Variants in PTPRK observed in about 807,000 individuals in gnomAD.
PTPRK encodes the protein receptor-type tyrosine-protein phosphatase kappa.
PTPRK carries 75 observed loss-of-function variants against 178.0 expected under a neutral mutation model. That is an observed-to-expected ratio of 0.42 (90% CI 0.35 to 0.51). PTPRK has a LOEUF of 0.51. PTPRK is among the 20% of genes least tolerant of loss of function. The pLI is 0.02. For missense variants in PTPRK, 1,441 were observed against 1,797.8 expected (o/e 0.80, Z 3.59); for synonymous variants, 637 against 620.6 (o/e 1.03, Z -0.39).
chr6:128,482,797 T>C (rs778886824), intron 1 of PTPRK, among the ~76,000 whole-genome samples: 3 of 152,190 alleles, frequency 2.0e-5, no homozygotes, highest in Non-Finnish European at 2.9e-5. Flanking sequence ...TTGAATGGCT[T>C]ATTCTGGGAA....
At chr6:128,338,624 A>G (rs911036676) in intron 2 of PTPRK, among the ~76,000 whole-genome samples, 1 of 151,808 alleles carries the variant, frequency 6.6e-6, no homozygotes, top group East Asian at 1.9e-4. Context: ...TTCTCCCAAC[A>G]CTCAGGCTAG....
At chr6:128,229,495 T>C (rs1811946270) in intron 5 of PTPRK, among the ~76,000 whole-genome samples, 1 of 152,184 alleles carries the variant, frequency 6.6e-6, no homozygotes, top group African/African-American at 2.4e-5. Context: ...TGAGTATCTC[T>C]CAGAACCTGC....
intron 1 of PTPRK, among the ~76,000 whole-genome samples, chr6:128,417,429 C>T (rs913589833): frequency 1.3e-5 from 2 of 152,154 alleles, no homozygotes; most frequent in Non-Finnish European, 1.5e-5. Context: ...GAAGTTTATA[C>T]ACCATTTGTA....
intron 3 of PTPRK, among the ~76,000 whole-genome samples, chr6:128,283,800 T>TC (rs1822053871): frequency 1.3e-5 from 2 of 152,324 alleles, no homozygotes; most frequent in South Asian, 4.1e-4. Flanking sequence ...TAGTATGTTA[T>TC]CACCAGTTCC....
At chr6:128,025,201 C>T (rs1335453901) in intron 13 of PTPRK, among the ~76,000 whole-genome samples, 4 of 152,214 alleles carry the variant, frequency 2.6e-5, no homozygotes, top group African/African-American at 9.6e-5. Context: ...TTGCATAAGA[C>T]ACTCCACTCT....
At chr6:128,112,365 C>G (rs1181785991) in intron 7 of PTPRK, among the ~76,000 whole-genome samples, 1 of 152,062 alleles carries the variant, frequency 6.6e-6, no homozygotes. Flanking sequence ...AATATTATAA[C>G]TTTCTTGGAT....
intron 1 of PTPRK, among the ~76,000 whole-genome samples, chr6:128,452,184 GCTTAT>G (rs1317781006): frequency 1.3e-5 from 2 of 152,030 alleles, no homozygotes; most frequent in African/African-American, 4.8e-5. Context: ...TTTCATCTCT[GCTTAT>G]CTTATTTCAT....
intron 3 of PTPRK, among the ~76,000 whole-genome samples, chr6:128,311,557 T>A (rs1390611245): frequency 1.3e-5 from 2 of 152,162 alleles, no homozygotes; most frequent in Non-Finnish European, 2.9e-5. Flanking sequence ...CACAGTATGA[T>A]CGTTCTCATT....
At chr6:128,191,365 G>A (rs2114721265) in intron 6 of PTPRK, among the ~76,000 whole-genome samples, 1 of 152,162 alleles carries the variant, frequency 6.6e-6, no homozygotes, top group South Asian at 2.1e-4. Context: ...ACTCATAGAA[G>A]CAGAGAGTAG....
intron 3 of PTPRK, among the ~76,000 whole-genome samples, chr6:128,260,823 T>C (rs563588432): frequency 1.4e-4 from 22 of 152,274 alleles, no homozygotes; most frequent in Admixed American, 6.5e-4. Context: ...TGCAAAAATA[T>C]AGGAAGTTGT....
chr6:128,064,627 A>T (rs766746093), intron 13 of PTPRK, 131 bp downstream of exon 13: 207 of 1,157,004 alleles, frequency 1.8e-4, no homozygotes, highest in Middle Eastern at 1.1e-3. Context: ...GTTGTTAAAG[A>T]CACCCACATG....
At chr6:127,977,094 A>C in intron 25 of PTPRK, 40 bp from the exon 26 acceptor site, 3 of 1,595,456 alleles carry the variant, frequency 1.9e-6, no homozygotes, top group Non-Finnish European at 1.7e-6. Context: ...ATAAAAACTT[A>C]AAATGTATGA....
chr6:128,006,185 T>G, intron 14 of PTPRK: 1 of 685,484 alleles, frequency 1.5e-6, no homozygotes, highest in Non-Finnish European at 2.2e-6. Context: ...ATTCATGTTT[T>G]TTTTGCTTTG....
At chr6:128,184,946 A>G (rs760069588) in intron 6 of PTPRK, among the ~76,000 whole-genome samples, 1 of 152,104 alleles carries the variant, frequency 6.6e-6, no homozygotes, top group Non-Finnish European at 1.5e-5. Flanking sequence ...TCCTGTATTA[A>G]AAACACATTT....
chr6:128,417,858 T>C (rs1333280891), intron 1 of PTPRK, among the ~76,000 whole-genome samples: 1 of 152,222 alleles, frequency 6.6e-6, no homozygotes, highest in Non-Finnish European at 1.5e-5. Context: ...GTCCTTTTCG[T>C]GTCTAATTCC....
At chr6:128,326,929 A>C (rs532448370) in intron 2 of PTPRK, among the ~76,000 whole-genome samples, 2 of 152,232 alleles carry the variant, frequency 1.3e-5, no homozygotes, top group African/African-American at 4.8e-5. Context: ...CGTGTTTTTT[A>C]AATCTTTTAA....
chr6:128,328,293 G>A (rs1003652838), intron 2 of PTPRK, among the ~76,000 whole-genome samples: 6 of 152,288 alleles, frequency 3.9e-5, no homozygotes, highest in African/African-American at 1.2e-4. Flanking sequence ...TTTAAGCTCC[G>A]GGGCAATAAA....
chr6:128,496,901 A>G (rs1167880805), intron 1 of PTPRK, among the ~76,000 whole-genome samples: 1 of 152,222 alleles, frequency 6.6e-6, no homozygotes, highest in Non-Finnish European at 1.5e-5. Context: ...TCTTACTCAA[A>G]ATATAATTGT....
At chr6:128,496,709 T>G (rs1172719290) in intron 1 of PTPRK, among the ~76,000 whole-genome samples, 1 of 152,196 alleles carries the variant, frequency 6.6e-6, no homozygotes, top group Non-Finnish European at 1.5e-5. Context: ...ATTTATTATC[T>G]TCTAAACAAA....
Sources: gnomAD v4.1 joint callset for allele counts (sites outside exome capture counted in the v4.1 genomes callset) on GRCh38, gnomAD v4.1.1 for gene constraint, MANE v1.5 for transcripts, NCBI Gene and HGNC (gene_info 2026-07-23, HGNC 2026-07-21) for gene names.